Variants in UBE2C observed in about 807,000 individuals in gnomAD.
UBE2C encodes the protein ubiquitin-conjugating enzyme E2 C.
In UBE2C, 16 loss-of-function variants were observed where a neutral mutation model predicts 23.5. The ratio of observed to expected loss-of-function variants is 0.68; its 90% CI spans 0.46 to 1.03. The LOEUF (loss-of-function observed/expected upper bound fraction) is 1.03, where lower values mean the gene tolerates loss of function less well. Among genes scored for constraint, UBE2C ranks in the 50% least tolerant of loss-of-function variants. The probability of loss-of-function intolerance (pLI) is 0.00; values close to 1 mark genes in which losing one functional copy is unlikely to be tolerated. For synonymous variants in UBE2C, 76 were observed against 91.6 expected, an observed-to-expected ratio of 0.83 and a Z score of 0.97; for missense variants, 192 against 227.6, an observed-to-expected ratio of 0.84 and a Z score of 1.01.
chr20:45,813,412 G>A lies in UBE2C; in HGVS notation c.102-25G>A, dbSNP rs754600301. 2.4e-5 allele frequency: 38 copies of A among 1,614,004 alleles called. No individual in the cohort carries two copies. In the East Asian group the frequency reaches 7.8e-4, roughly 33 times the overall value. ...AGGCCTGGCCCATCCAGACTCCCAG[G>A]TAACCCCGAATACTCTTTTTTCAGG... is the stretch of plus-strand genomic sequence containing the variant. On this transcript the variant is annotated intron_variant, in intron 1 of 5. Transcript: ENST00000356455.
rs890133007 is a variant in UBE2C, at chr20:45,812,838, T to C, written c.101+42T>C. ...ACCACTCGCCGGGCCTGCCATGCCCTAGGCATTGGTACCCAGAGCAAAGAT... is the reference window on the plus strand; with the variant it reads ...ACCACTCGCCGGGCCTGCCATGCCCCAGGCATTGGTACCCAGAGCAAAGAT... On this transcript the variant is annotated intron_variant, in intron 1 of 5. Coordinates refer to ENST00000356455, the MANE Select transcript of UBE2C (RefSeq NM_007019.4). 3 of 1,530,490 alleles carry C rather than the reference T, an allele frequency of 2.0e-6. No individual in the cohort carries two copies. The African/African-American group carries it at 4.1e-5, about 21-fold the overall frequency. 94.8% of individuals were successfully genotyped at this position (1,530,490 alleles called of 1,614,324 possible).
intron 3 of UBE2C, 78 bp downstream of exon 3, chr20:45,814,548 G>A (rs1429513388): frequency 8.4e-7 from 1 of 1,190,620 alleles, no homozygotes; most frequent in Admixed American, 1.9e-5. Context: ...TCTGCTTCAA[G>A]CCTTTGGCGG....
At position 45,815,661 on chromosome 20, in the gene UBE2C, A is replaced by G; in HGVS notation, c.337A>G (p.Ile113Val). The G allele has an allele frequency of 6.2e-7, 1 of 1,614,152 alleles. No individual in the cohort carries two copies. Among genetic ancestry groups the G allele is most frequent in the East Asian group, 2.2e-5 (1 of 44,880 alleles). The change falls in exon 4 of 6, where the codon ATA (isoleucine) becomes GTA (valine). Residue 113 changes from isoleucine to valine, a missense_variant. Transcript: ENST00000356455. ...CCCCAACGTGGACACCCAGGGTAAC[A>G]TATGCCTGGACATCCTGAAGGAAAA... ...YHPNVDTQGN[I>V]CLDILKEKWS...
chr20:45,814,128 A>ATCTCTCTCTCTCTC (rs10644383), intron 2 of UBE2C, among the ~76,000 whole-genome samples: 42 of 141,036 alleles, frequency 3.0e-4, no homozygotes, highest in African/African-American at 1.1e-3. Flanking sequence ...CTCTCTCTCA[A>ATCTCTCTCTCTCTC]TCTCTCTCTC....
chr20:45,813,045 A>C, intron 1 of UBE2C: 1 of 1,419,112 alleles, frequency 7.0e-7, no homozygotes, highest in Non-Finnish European at 9.2e-7. Context: ...AGGAGCTCAG[A>C]CCGCTCTTTG....
Position 45,813,334 on chromosome 20 carries a change from G to C in UBE2C, c.102-103G>C, listed in dbSNP as rs974159459. 1.9e-6 allele frequency: 3 copies of C among 1,604,560 alleles called. No individual in the cohort carries two copies. The African/African-American group carries it at 4.0e-5, about 22-fold the overall frequency. On this transcript the variant is annotated intron_variant, in intron 1 of 5. Coordinates refer to ENST00000356455, the MANE Select transcript of UBE2C (RefSeq NM_007019.4). ...GAGCCTGACCTTGGTGATGTGGGGA[G>C]CCTCCATGACGGCTCCCCCTGAGAT...
At chr20:45,813,637 A>G (rs1982147178) in intron 2 of UBE2C, among the ~76,000 whole-genome samples, 173 bp downstream of exon 2, 1 of 151,372 alleles carries the variant, frequency 6.6e-6, no homozygotes. Context: ...TCCCAATTCC[A>G]TCCCCCCACA....
Position 45,812,681 on chromosome 20 carries a change from G to A in UBE2C, c.-15G>A, listed in dbSNP as rs1333232573. On this transcript the variant is annotated 5_prime_UTR_variant, in exon 1 of 6. Coordinates refer to ENST00000356455, the MANE Select transcript of UBE2C (RefSeq NM_007019.4). Reference sequence around the variant, plus strand: ...GTGTTCTCCGAGTTCCTGTCTCTCTGCCAACGCCGCCCGGATGGCTTCCCA... The same window carrying A: ...GTGTTCTCCGAGTTCCTGTCTCTCTACCAACGCCGCCCGGATGGCTTCCCA... 3.4e-5 allele frequency: 52 copies of A among 1,550,788 alleles called. No homozygotes were observed. Among genetic ancestry groups the A allele is most frequent in the Non-Finnish European group, 4.4e-5 (50 of 1,146,940 alleles).
chr20:45,814,565 ACACTCCTC>A, intron 3 of UBE2C, 95 bp downstream of exon 3: 1 of 921,810 alleles, frequency 1.1e-6, no homozygotes, highest in Non-Finnish European at 1.7e-6. Flanking sequence ...GCGGAGCAAG[ACACTCCTC>A]CTGTGACTGT....
intron 2 of UBE2C, among the ~76,000 whole-genome samples, 161 bp downstream of exon 2, chr20:45,813,625 C>T (rs1286057391): frequency 1.3e-5 from 2 of 152,066 alleles, no homozygotes; most frequent in African/African-American, 4.8e-5. Context: ...AGCAGTCCCT[C>T]CTCCCAATTC....
At position 45,815,874 on chromosome 20, in the gene UBE2C, T is replaced by C; in HGVS notation, c.442T>C (p.Leu148=). 1 of 1,614,116 alleles carries C rather than the reference T, an allele frequency of 6.2e-7. No homozygotes were observed. The highest frequency in any genetic ancestry group is 8.5e-7 in the Non-Finnish European group (1 of 1,180,018). ...CACAGAACCCAACATTGATAGTCCC[T>C]TGAACACACATGCTGCCGAGCTCTG... is the stretch of plus-strand genomic sequence containing the variant. ...LLGEPNIDSP[L]NTHAAELWKN... The change falls in exon 5 of 6, where the codon TTG becomes CTG. Residue 148 remains leucine, a synonymous_variant. Transcript: ENST00000356455.
chr20:45,812,712 G>A lies in UBE2C; in HGVS notation c.17G>A (p.Arg6His). The A allele has an allele frequency of 6.4e-7, 1 of 1,551,412 alleles. No homozygotes were observed. MASQN[R>H]DPAATSVAAA... is the part of the protein sequence containing the mutation. ...GCCGCCCGGATGGCTTCCCAAAACC[G>A]CGACCCAGCCGCCACTAGCGTCGCC... The change falls in exon 1 of 6, where the codon CGC (arginine) becomes CAC (histidine). Residue 6 changes from arginine to histidine, a missense_variant. Transcript: ENST00000356455.
Position 45,812,776 on chromosome 20 carries a change from C to G in UBE2C, c.81C>G (p.Ala27=). 2 of 1,556,442 alleles carry G rather than the reference C, an allele frequency of 1.3e-6. No individual in the cohort carries two copies. The highest frequency in any genetic ancestry group is 1.7e-6 in the Non-Finnish European group (2 of 1,150,142). ...RKGAEPSGGA[A]RGPVGKRLQQ... is the part of the protein sequence containing the mutation. ...GAGCTGAGCCGAGCGGGGGCGCCGC[C>G]CGGGGTCCGGTGGGCAAAAGGTGAG... Residue 27 remains alanine (A), a synonymous_variant, in exon 1 of 6, where the codon GCC becomes GCG. Transcript: ENST00000356455.
intron 5 of UBE2C, among the ~76,000 whole-genome samples, chr20:45,816,114 C>T (rs564700296): frequency 2.0e-5 from 3 of 152,266 alleles, no homozygotes; most frequent in East Asian, 1.9e-4. Context: ...AAATGTTTGG[C>T]GATAAATAAT....
chr20:45,812,861 G>C, intron 1 of UBE2C, 65 bp downstream of exon 1: 2 of 1,497,150 alleles, frequency 1.3e-6, no homozygotes, highest in South Asian at 2.6e-5. Flanking sequence ...CCAGAGCAAA[G>C]ATTTCTAGGA....
chr20:45,815,690 G>T lies in UBE2C; in HGVS notation c.366G>T (p.Trp122Cys). 1 of 1,614,114 alleles carries T rather than the reference G, an allele frequency of 6.2e-7. No individual in the cohort carries two copies. The highest frequency in any genetic ancestry group is 8.5e-7 in the Non-Finnish European group (1 of 1,180,020). Residue 122 changes from tryptophan (W) to cysteine (C), a missense_variant, in exon 4 of 6, where the codon TGG (tryptophan) becomes TGT (cysteine). By Grantham distance (215) the Trp-to-Cys change is radical. Coordinates refer to ENST00000356455, the MANE Select transcript of UBE2C (RefSeq NM_007019.4). ...NICLDILKEK[W>C]SALYDVRTIL... ...GCCTGGACATCCTGAAGGAAAAGTGGTCTGCCCTGTATGATGTCAGGACCA... is the reference window on the plus strand; with the variant it reads ...GCCTGGACATCCTGAAGGAAAAGTGTTCTGCCCTGTATGATGTCAGGACCA...
At chr20:45,813,973 T>G (rs1272897696) in intron 2 of UBE2C, among the ~76,000 whole-genome samples, 2 of 151,692 alleles carry the variant, frequency 1.3e-5, no homozygotes, top group Non-Finnish European at 2.9e-5. Flanking sequence ...GGCATGGTGG[T>G]GCATGCCTGT....
At position 45,816,816 on chromosome 20, in the gene UBE2C, G is replaced by C; in HGVS notation, c.*49G>C. 6.5e-7 allele frequency: 1 copy of C among 1,538,760 alleles called. No homozygotes were observed. Among genetic ancestry groups the C allele is most frequent in the African/African-American group, 1.4e-5 (1 of 72,562 alleles). The stretch of plus-strand genomic sequence containing the variant: ...GTGTCGTCTTTTTAATTTTTCCTTA[G>C]ATGGTCTGTCCTTTTTGTGATTTCT... On this transcript the variant is annotated 3_prime_UTR_variant, in exon 6 of 6. Coordinates refer to ENST00000356455, the MANE Select transcript of UBE2C (RefSeq NM_007019.4).
chr20:45,816,002 G>C (rs775680293), intron 5 of UBE2C, 89 bp downstream of exon 5: 5 of 1,454,966 alleles, frequency 3.4e-6, no homozygotes, highest in Non-Finnish European at 4.7e-6. Flanking sequence ...ACTTGGGACC[G>C]GGTTGGTTGG....
Sources: gnomAD v4.1 joint callset for allele counts (sites outside exome capture counted in the v4.1 genomes callset) on GRCh38, gnomAD v4.1.1 for gene constraint, MANE v1.5 for transcripts, NCBI Gene and HGNC (gene_info 2026-07-23, HGNC 2026-07-21) for gene names.